The following SLC30A5 variants were observed in gnomAD, a reference collection of about 807,000 sequenced individuals.
SLC30A5 encodes the protein proton-coupled zinc antiporter SLC30A5.
In SLC30A5, 33 loss-of-function variants were observed where a neutral mutation model predicts 79.6. The ratio of observed to expected loss-of-function variants is 0.41; its 90% CI spans 0.31 to 0.55. The LOEUF is 0.55. SLC30A5 is among the 20% of genes least tolerant of loss of function. The pLI, the probability that SLC30A5 is intolerant of heterozygous loss-of-function variation, is 0.20. For missense variants in SLC30A5, 788 were observed against 928.1 expected, an observed-to-expected ratio of 0.85 and a Z score of 1.96; for synonymous variants, 299 against 319.7, an observed-to-expected ratio of 0.94 and a Z score of 0.69.
Position 69,103,028 on chromosome 5 carries a change from T to G in SLC30A5, c.207-34T>G, listed in dbSNP as rs943924601. On this transcript the variant is annotated intron_variant, in intron 2 of 15. Coordinates refer to ENST00000396591, the MANE Select transcript of SLC30A5 (RefSeq NM_022902.5). ...ACTGTATCTTGTGTTTAATATGGAT[T>G]AATATTAATATATTAATGTTTCAAT... is the stretch of plus-strand genomic sequence containing the variant. The G allele has an allele frequency of 8.5e-6, 9 of 1,056,784 alleles. No individual in the cohort carries two copies. In the African/African-American group the frequency reaches 1.3e-4, roughly 15 times the overall value. The allele number at this position is 1,056,784 out of a possible 1,614,324, so 65.5% of individuals were successfully genotyped here.
intron 12 of SLC30A5, among the ~76,000 whole-genome samples, chr5:69,120,198 A>G (rs773888919): frequency 5.9e-5 from 9 of 151,966 alleles, no homozygotes; most frequent in Non-Finnish European, 1.0e-4. Context: ...TACTGGCCTG[A>G]AAATATTTAC....
chr5:69,095,987 T>G (rs1329081786), intron 1 of SLC30A5, among the ~76,000 whole-genome samples: 1 of 151,992 alleles, frequency 6.6e-6, no homozygotes, highest in Non-Finnish European at 1.5e-5. Context: ...GAGAATGGCT[T>G]GAACCCAGGA....
At chr5:69,110,125 A>G (rs138047012) in intron 5 of SLC30A5, among the ~76,000 whole-genome samples, 1 of 152,110 alleles carries the variant, frequency 6.6e-6, no homozygotes, top group South Asian at 2.1e-4. Context: ...ACTCCTCTAC[A>G]CTCCCTTGTA....
intron 12 of SLC30A5, among the ~76,000 whole-genome samples, chr5:69,120,907 GAGC>G (rs1158488874): frequency 1.9e-4 from 29 of 152,180 alleles, no homozygotes; most frequent in African/African-American, 6.8e-4. Context: ...CATTTTGTAA[GAGC>G]AGATAATCAA....
rs748514564 is a variant in SLC30A5, at chr5:69,128,082, A to G, written c.2077A>G (p.Ile693Val). The change falls in exon 15 of 16, where the codon ATT becomes GTT. Residue 693 changes from isoleucine to valine, a missense_variant. Transcript: ENST00000396591. The part of the protein sequence containing the change: ...RHSASIVAGT[I>V]HIQVTSDVLE... ...TTCTGCTAGTATTGTGGCAGGAACA[A>G]TTCATATACAGGTGACATCTGATGT... 3 of 1,612,498 alleles carry G rather than the reference A, an allele frequency of 1.9e-6. No homozygotes were observed. Among genetic ancestry groups the G allele is most frequent in the Admixed American group, 1.7e-5 (1 of 59,960 alleles).
intron 12 of SLC30A5, among the ~76,000 whole-genome samples, chr5:69,120,743 A>G (rs942310284): frequency 2.6e-5 from 4 of 152,234 alleles, no homozygotes; most frequent in African/African-American, 9.6e-5. Context: ...TAACCTCCCT[A>G]CACATTTAAT....
rs765845593 is a variant in SLC30A5 at position 69,116,841 on chromosome 5, A to T, written c.1281+239A>T. Among the ~76,000 whole-genome samples, 1 of 152,214 alleles carries T rather than the reference A, an allele frequency of 6.6e-6. No individual in the cohort carries two copies. Among genetic ancestry groups the T allele is most frequent in the Non-Finnish European group, 1.5e-5 (1 of 68,038 alleles). ...ACAATTTGTGAGGCATTTTAGAAGC[A>T]TTGATTTAGTATGTTCCTTCAAATC... On this transcript the variant is annotated intron_variant, in intron 10 of 15. Coordinates refer to ENST00000396591, the MANE Select transcript of SLC30A5 (RefSeq NM_022902.5). This position sits in a 1 kb window ranked among gnomAD's most constrained non-coding sequence, Gnocchi z 4.0.
At chr5:69,108,549 C>T (rs557411650) in intron 5 of SLC30A5, 113 bp downstream of exon 5, 144 of 827,432 alleles carry the variant, frequency 1.7e-4, no homozygotes, top group South Asian at 1.7e-4. Flanking sequence ...AGGCTGAGCG[C>T]GATGGCTCAC....
chr5:69,102,305 C>T (rs532113818), intron 2 of SLC30A5, among the ~76,000 whole-genome samples: 1 of 151,646 alleles, frequency 6.6e-6, no homozygotes, highest in Non-Finnish European at 1.5e-5. Context: ...CCGCCCACCT[C>T]GGCCACCCAA....
At chr5:69,101,784 C>G (rs1745928321) in intron 2 of SLC30A5, among the ~76,000 whole-genome samples, 1 of 150,442 alleles carries the variant, frequency 6.6e-6, no homozygotes, top group South Asian at 2.1e-4. Context: ...TGTCGAAAGC[C>G]TGTCTCTACT....
Position 69,121,724 on chromosome 5 carries a change from C to T in SLC30A5, c.1600C>T (p.Leu534Phe). 1 of 1,613,298 alleles carries T rather than the reference C, an allele frequency of 6.2e-7. No individual in the cohort carries two copies. The highest frequency in any genetic ancestry group is 2.2e-5 in the East Asian group (1 of 44,848). The stretch of plus-strand genomic sequence containing the variant: ...CTCAGTTGGAGGGCTGATAGTAAAC[C>T]TTATTGGTATCTGTGCCTTTAGCCA... ...PVSVGGLIVN[L>F]IGICAFSHAH... Residue 534 changes from leucine to phenylalanine, a missense_variant, in exon 13 of 16, where the codon CTT becomes TTT. Physicochemically the swap from Leu to Phe is conservative, Grantham distance 22 (BLOSUM62 0). Transcript: ENST00000396591.
rs148812340 is a variant in SLC30A5, at chr5:69,123,929, A to T, written c.1998+504A>T. Among the ~76,000 whole-genome samples, 794 of 152,090 alleles carry T rather than the reference A, an allele frequency of 5.2e-3. 8 individuals carry two copies. Among genetic ancestry groups the T allele is most frequent in the African/African-American group, 0.018 (765 of 41,506 alleles). ...TAGATCGAGACCATCCTGGCTAACA[A>T]GGTGAAACCCCGTCTCTACTAAAAA... On this transcript the variant is annotated intron_variant, in intron 14 of 15. Coordinates refer to ENST00000396591, the MANE Select transcript of SLC30A5 (RefSeq NM_022902.5).
chr5:69,094,206 A>T lies in SLC30A5; in HGVS notation c.-50A>T. 1 of 969,794 alleles carries T rather than the reference A, an allele frequency of 1.0e-6. No homozygotes were observed. The highest frequency in any genetic ancestry group is 1.4e-6 in the Non-Finnish European group (1 of 732,108). 60.1% of individuals were successfully genotyped at this position (969,794 alleles called of 1,614,324 possible). A position where few individuals can be genotyped will look rare whatever the true frequency, so the allele number is the denominator to read the frequency against. On this transcript the variant is annotated 5_prime_UTR_variant, in exon 1 of 16. The change abolishes an upstream ATG in the 5' untranslated region. Transcript: ENST00000396591. ...CGCTGTTCCGCGGCAGCGGCGAGACATGAGGAGACCCCGCGACAGGGGCAG... is the reference window on the plus strand; with the variant it reads ...CGCTGTTCCGCGGCAGCGGCGAGACTTGAGGAGACCCCGCGACAGGGGCAG...
intron 13 of SLC30A5, among the ~76,000 whole-genome samples, chr5:69,122,657 C>G (rs1746568150): frequency 6.6e-6 from 1 of 151,938 alleles, no homozygotes; most frequent in Non-Finnish European, 1.5e-5. Context: ...CTATCCAAAA[C>G]AAAAAGAAAA....
intron 14 of SLC30A5, among the ~76,000 whole-genome samples, chr5:69,125,382 C>T (rs894469737): frequency 4.7e-5 from 7 of 149,332 alleles, no homozygotes; most frequent in African/African-American, 1.5e-4. Context: ...AAAAATTAGC[C>T]GGGCATGGTG....
chr5:69,129,785 A>G lies in SLC30A5; in HGVS notation c.*168A>G. ...AGGAAATTTAAATACAGAATGAAAC[A>G]TTAATGGTAAAAGTGGAGTAATTAT... On this transcript the variant is annotated 3_prime_UTR_variant, in exon 16 of 16. Transcript: ENST00000396591. 1 of 502,578 alleles carries G rather than the reference A, an allele frequency of 2.0e-6. No homozygotes were observed. Among genetic ancestry groups the G allele is most frequent in the Non-Finnish European group, 3.3e-6 (1 of 298,662 alleles). The allele number at this position is 502,578 out of a possible 1,614,324, so 31.1% of individuals were successfully genotyped here. A position where few individuals can be genotyped will look rare whatever the true frequency, so the allele number is the denominator to read the frequency against.
intron 4 of SLC30A5, among the ~76,000 whole-genome samples, chr5:69,105,833 TGGG>T (rs1489328884): frequency 2.6e-5 from 4 of 152,218 alleles, no homozygotes; most frequent in Non-Finnish European, 5.9e-5. Context: ...TAGATTCTCA[TGGG>T]AGCAGGAACC....
Position 69,116,440 on chromosome 5 carries a change from C to G in SLC30A5, c.1119C>G (p.Thr373=), listed in dbSNP as rs762628192. The change falls in exon 10 of 16, where the codon ACC becomes ACG. Residue 373 remains threonine, a synonymous_variant. Transcript: ENST00000396591. This position sits in a 1 kb window ranked among gnomAD's most constrained non-coding sequence, Gnocchi z 4.0. The part of the protein sequence containing the change: ...SSPSKRGQKG[T]LIGYSPEGTP... ...CCTCTAAGAGAGGACAAAAAGGTAC[C>G]CTTATTGGATATTCTCCTGAAGGAA... 4.3e-6 allele frequency: 7 copies of G among 1,611,294 alleles called. No homozygotes were observed. The highest frequency in any genetic ancestry group is 5.9e-6 in the Non-Finnish European group (7 of 1,179,202).
chr5:69,117,397 G>T lies in SLC30A5; in HGVS notation c.1439+1G>T. On this transcript the variant is annotated splice_donor_variant, in intron 11 of 15. Transcript: ENST00000396591. LOFTEE classifies it high-confidence loss of function. ...AAGCCACTCGGATTTTCTCCTATGG[G>T]TAGGTACATTGACTGTCGAGGTGGT... The T allele has an allele frequency of 6.2e-7, 1 of 1,613,798 alleles. No homozygotes were observed. The highest frequency in any genetic ancestry group is 2.2e-5 in the East Asian group (1 of 44,878).
Sources: allele counts gnomAD v4.1 joint callset (sites outside exome capture counted in the v4.1 genomes callset), GRCh38; gene constraint gnomAD v4.1.1; non-coding constraint Gnocchi (gnomAD v3.1); transcripts MANE v1.5; gene names NCBI Gene and HGNC (gene_info 2026-07-23, HGNC 2026-07-21).